Variants in KAZN observed in about 807,000 individuals in gnomAD.
KAZN encodes kazrin, periplakin interacting protein, also known as kazrin.
KAZN carries 40 observed loss-of-function variants against 87.4 expected under a neutral mutation model. The observed-to-expected ratio is 0.46, with a 90% CI of 0.36 to 0.60. KAZN has a LOEUF of 0.60. Among genes scored for constraint, KAZN ranks in the 20% least tolerant of loss-of-function variants. The pLI is 0.00. For synonymous variants in KAZN, 466 were observed against 458.3 expected, an observed-to-expected ratio of 1.02 and a Z score of -0.22; for missense variants, 898 against 1,073.9, an observed-to-expected ratio of 0.84 and a Z score of 2.29.
intron 2 of KAZN, among the ~76,000 whole-genome samples, chr1:14,571,611 T>C (rs1674869825): frequency 6.6e-6 from 1 of 152,304 alleles, no homozygotes. Flanking sequence ...GAAACCAGCA[T>C]GAGAGCAGGG....
intron 1 of KAZN, among the ~76,000 whole-genome samples, chr1:14,046,313 C>T (rs574872670): frequency 2.2e-4 from 34 of 152,274 alleles, no homozygotes; most frequent in African/African-American, 8.2e-4. Flanking sequence ...AGGAAAAATA[C>T]ATCTGAAGAT....
chr1:14,986,785 C>A (rs1404751765), intron 2 of KAZN, among the ~76,000 whole-genome samples: 1 of 152,194 alleles, frequency 6.6e-6, no homozygotes, highest in Non-Finnish European at 1.5e-5. Context: ...TGACTGGCTG[C>A]CTTCCCTGAG....
intron 2 of KAZN, among the ~76,000 whole-genome samples, chr1:14,545,437 A>G (rs935628445): frequency 6.6e-6 from 1 of 152,234 alleles, no homozygotes; most frequent in Non-Finnish European, 1.5e-5. Flanking sequence ...TGCCCGCTCC[A>G]TGACCTTGGG....
At chr1:14,928,135 T>G (rs1572850743) in intron 1 of KAZN, among the ~76,000 whole-genome samples, 1 of 152,304 alleles carries the variant, frequency 6.6e-6, no homozygotes, top group East Asian at 1.9e-4. Context: ...TGGAAAGACT[T>G]CACGTTGCTC....
rs745798381 is a variant in KAZN at position 14,729,173 on chromosome 1, C to T, written c.226+129950C>T. The stretch of plus-strand genomic sequence containing the variant: ...ACTGGATACCTTCGGCCCCTGCCCA[C>T]GTCTAGGGCCTGTGAAAACGAGGAG... On this transcript the variant is annotated intron_variant, in intron 1 of 14. Transcript: ENST00000376030. 2.0e-4 allele frequency among the ~76,000 whole-genome samples: 30 copies of T among 152,254 alleles called. No individual in the cohort carries two copies. In the South Asian group the frequency reaches 3.9e-3, roughly 20 times the overall value.
chr1:14,998,152 G>C (rs552574268), intron 2 of KAZN, among the ~76,000 whole-genome samples: 170 of 152,318 alleles, frequency 1.1e-3, no homozygotes, highest in Non-Finnish European at 2.1e-3. Flanking sequence ...CAGACGGCGG[G>C]GGGGAGGGGC....
At position 14,741,329 on chromosome 1, in the gene KAZN, A is replaced by G. The variant is rs1370314284; in HGVS notation, c.226+142106A>G. Among the ~76,000 whole-genome samples, 3 of 152,212 alleles carry G rather than the reference A, an allele frequency of 2.0e-5. No homozygotes were observed. The East Asian group carries it at 5.8e-4, about 29-fold the overall frequency. On this transcript the variant is annotated intron_variant, in intron 1 of 14. Coordinates refer to ENST00000376030, the MANE Select transcript of KAZN (RefSeq NM_201628.3). The stretch of plus-strand genomic sequence containing the variant: ...TCAATGTCGGGCATGAGGATGCTAG[A>G]GGAGGGGGCAGCTGGTGGCACAGGT...
chr1:14,114,298 G>T (rs1021694422), intron 1 of KAZN, among the ~76,000 whole-genome samples: 1 of 152,142 alleles, frequency 6.6e-6, no homozygotes, highest in Non-Finnish European at 1.5e-5. Context: ...GCATTGGGGG[G>T]ATCAGTGCAC....
At chr1:14,871,629 G>C (rs577080426) in intron 1 of KAZN, among the ~76,000 whole-genome samples, 1 of 147,738 alleles carries the variant, frequency 6.8e-6, no homozygotes, top group African/African-American at 2.5e-5. Flanking sequence ...CAGTGAGCCT[G>C]AGACATCTAC....
At chr1:14,195,434 G>A (rs1034856960) in intron 2 of KAZN, among the ~76,000 whole-genome samples, 10 of 152,122 alleles carry the variant, frequency 6.6e-5, no homozygotes, top group African/African-American at 2.4e-4. Flanking sequence ...GTAGAGGGGT[G>A]TGTGAGCTTG....
At position 14,076,185 on chromosome 1, in the gene KAZN, G is replaced by T. The variant is rs192049026; in HGVS notation, c.92-104250G>T. On this transcript the variant is annotated intron_variant, in intron 1 of 16. Coordinates refer to the KAZN transcript ENST00000636203. ...AGTCCCAGCTACTCGGGAGGCTGAG[G>T]CAGGAGAATGGCGTGAACCCGGGAG... Among the ~76,000 whole-genome samples the T allele has an allele frequency of 5.2e-3, 795 of 152,176 alleles. 13 individuals carry two copies. Among genetic ancestry groups the T allele is most frequent in the African/African-American group, 0.018 (761 of 41,514 alleles).
intron 8 of KAZN, among the ~76,000 whole-genome samples, chr1:15,085,661 T>C (rs1410144814): frequency 2.6e-5 from 4 of 152,102 alleles, no homozygotes; most frequent in Non-Finnish European, 5.9e-5. Flanking sequence ...TAACCACTTG[T>C]GGTTAATGGC....
chr1:14,819,100 T>A (rs1266748480), intron 1 of KAZN, among the ~76,000 whole-genome samples: 1 of 152,120 alleles, frequency 6.6e-6, no homozygotes, highest in Non-Finnish European at 1.5e-5. Flanking sequence ...TCCAAGAAAG[T>A]CGACATGTTT....
At chr1:15,019,027 T>A (rs1043549687) in intron 2 of KAZN, among the ~76,000 whole-genome samples, 3 of 152,298 alleles carry the variant, frequency 2.0e-5, no homozygotes, top group Non-Finnish European at 2.9e-5. Context: ...AGGACCTGAA[T>A]CCTTAGTGAC....
At chr1:14,796,841 C>A (rs1263120368) in intron 1 of KAZN, among the ~76,000 whole-genome samples, 1 of 152,198 alleles carries the variant, frequency 6.6e-6, no homozygotes, top group East Asian at 1.9e-4. Context: ...GCACAACCTG[C>A]CCGTTTCTCC....
intron 2 of KAZN, among the ~76,000 whole-genome samples, chr1:14,328,843 G>C (rs1294032143): frequency 1.4e-5 from 2 of 147,032 alleles, no homozygotes; most frequent in African/African-American, 2.5e-5. Flanking sequence ...CTGTATGACT[G>C]TACCTCCTTA....
chr1:14,079,514 G>C (rs1570687722), intron 1 of KAZN, among the ~76,000 whole-genome samples: 1 of 152,180 alleles, frequency 6.6e-6, no homozygotes, highest in Non-Finnish European at 1.5e-5. Flanking sequence ...TCACGTGTAG[G>C]AATGCTACGT....
At chr1:14,493,177 T>C (rs1669771244) in intron 2 of KAZN, among the ~76,000 whole-genome samples, 1 of 152,110 alleles carries the variant, frequency 6.6e-6, no homozygotes, top group South Asian at 2.1e-4. Context: ...TCGGGGAATC[T>C]TAGGACTGCC....
intron 1 of KAZN, among the ~76,000 whole-genome samples, chr1:14,039,585 G>T (rs1445524533): frequency 1.3e-5 from 2 of 152,312 alleles, no homozygotes; most frequent in African/African-American, 2.4e-5. Flanking sequence ...ATGGTTAATA[G>T]ATTTGATCAT....
Sources: gnomAD v4.1 joint callset for allele counts (sites outside exome capture counted in the v4.1 genomes callset) on GRCh38, gnomAD v4.1.1 for gene constraint, MANE v1.5 for transcripts, NCBI Gene and HGNC (gene_info 2026-07-23, HGNC 2026-07-21) for gene names.